GLP1R: variants seen among roughly 807,000 people sequenced by gnomAD.
GLP1R encodes the protein glucagon like peptide 1 receptor, also known as glucagon-like peptide 1 receptor.
Under a neutral mutation model 68.4 loss-of-function variants are expected in GLP1R, and 32 were observed. The ratio of observed to expected loss-of-function variants is 0.47; its 90% CI spans 0.35 to 0.63. GLP1R has a LOEUF of 0.63. Among genes scored for constraint, GLP1R ranks in the 20% least tolerant of loss-of-function variants. The probability of loss-of-function intolerance (pLI) is 0.00; values close to 1 mark genes in which losing one functional copy is unlikely to be tolerated. For missense variants in GLP1R, 502 were observed against 594.9 expected, an observed-to-expected ratio of 0.84 and a Z score of 1.62; for synonymous variants, 263 against 244.4, an observed-to-expected ratio of 1.08 and a Z score of -0.71.
Position 39,048,912 on chromosome 6 carries a change from C to A in GLP1R, c.72C>A (p.Arg24=). The change falls in exon 1 of 13, where the codon CGC becomes CGA. Residue 24 remains arginine (R), a synonymous_variant. Coordinates refer to ENST00000373256, the MANE Select transcript of GLP1R (RefSeq NM_002062.5). ...LLGMVGRAGP[R]PQGATVSLWE... ...GGATGGTGGGCAGGGCCGGCCCCCG[C>A]CCCCAGGTGAGATCCAGGGACCCCG... 7.2e-7 allele frequency: 1 copy of A among 1,385,210 alleles called. No homozygotes were observed. Among genetic ancestry groups the A allele is most frequent in the Non-Finnish European group, 9.5e-7 (1 of 1,057,520 alleles). The allele number at this position is 1,385,210 out of a possible 1,614,324, so 85.8% of individuals were successfully genotyped here. A position where few individuals can be genotyped will look rare whatever the true frequency, so the allele number is the denominator to read the frequency against.
intron 3 of GLP1R, 96 bp from the exon 4 acceptor site, chr6:39,065,615 G>A: frequency 4.3e-6 from 3 of 702,238 alleles, no homozygotes; most frequent in South Asian, 3.5e-5. Context: ...GGGGGAGCAG[G>A]GATAGCCCTC....
At chr6:39,082,857 C>A (rs112859544) in intron 12 of GLP1R, among the ~76,000 whole-genome samples, 2 of 151,962 alleles carry the variant, frequency 1.3e-5, no homozygotes, top group Non-Finnish European at 2.9e-5. Flanking sequence ...GACCCCCCCA[C>A]GTCCCCGTTT....
rs577136887 is a variant in GLP1R, at chr6:39,049,682, C to A, written c.78+764C>A. On this transcript the variant is annotated intron_variant, in intron 1 of 12. Transcript: ENST00000373256. This position sits in a 1 kb window ranked among gnomAD's most constrained non-coding sequence, Gnocchi z 4.5. ...CCCCAAGAGAAGGCATACTGGGACACGCAAGAACACCTGGGCTCCTTGGTG... is the reference window on the plus strand; with the variant it reads ...CCCCAAGAGAAGGCATACTGGGACAAGCAAGAACACCTGGGCTCCTTGGTG... Among the ~76,000 whole-genome samples, 1 of 152,172 alleles carries A rather than the reference C, an allele frequency of 6.6e-6. No individual in the cohort carries two copies. Among genetic ancestry groups the A allele is most frequent in the Non-Finnish European group, 1.5e-5 (1 of 68,032 alleles).
At chr6:39,061,728 T>G (rs1042156495) in intron 3 of GLP1R, among the ~76,000 whole-genome samples, 8 of 152,196 alleles carry the variant, frequency 5.3e-5, no homozygotes, top group Non-Finnish European at 7.3e-5. Flanking sequence ...TGGGAAGTCA[T>G]TATGCTTCCC....
chr6:39,086,192 CACACACACACACAT>C lies in GLP1R; in HGVS notation c.*123_*136del, dbSNP rs1554173038. 2.4e-3 allele frequency: 1,676 copies of C among 705,278 alleles called. 3 individuals are homozygous for C. Among genetic ancestry groups the C allele is most frequent in the East Asian group, 0.019 (609 of 32,766 alleles). The allele number at this position is 705,278 out of a possible 1,614,324, so 43.7% of individuals were successfully genotyped here. On this transcript the variant is annotated 3_prime_UTR_variant, in exon 13 of 13. Transcript: ENST00000373256. The surrounding 1 kb of genome is among the most constrained non-coding windows in gnomAD (Gnocchi z 4.5). Reference sequence around the variant, plus strand: ...ACACACACACACACACACACACACACACACACACACACATACATCCTGCTTTCCCTCCCCAAACC... The same window carrying C: ...ACACACACACACACACACACACACACACATCCTGCTTTCCCTCCCCAAACC...
intron 12 of GLP1R, 60 bp from the exon 13 acceptor site, chr6:39,085,846 C>A: frequency 2.0e-6 from 3 of 1,502,506 alleles, no homozygotes; most frequent in Non-Finnish European, 2.8e-6. Context: ...AATAGTGGGG[C>A]CATTTTGTTA....
In GLP1R at chr6:39,079,521, G is replaced by A; in HGVS notation, c.1044-43G>A. 1.3e-6 allele frequency: 2 copies of A among 1,539,684 alleles called. No individual in the cohort carries two copies. Among genetic ancestry groups the A allele is most frequent in the Non-Finnish European group, 1.7e-6 (2 of 1,144,530 alleles). Reference sequence around the variant, plus strand: ...TAGAGAAAGGGAAGAAGAGTCCATGGGAGAGGTCCAGAATGACTCGAGATC... The same window carrying A: ...TAGAGAAAGGGAAGAAGAGTCCATGAGAGAGGTCCAGAATGACTCGAGATC... On this transcript the variant is annotated intron_variant, in intron 10 of 12. Transcript: ENST00000373256. This position sits in a 1 kb window ranked among gnomAD's most constrained non-coding sequence, Gnocchi z 4.5.
At position 39,079,275 on chromosome 6, in the gene GLP1R, G is replaced by T; in HGVS notation, c.1043+75G>T. On this transcript the variant is annotated intron_variant, in intron 10 of 12. Transcript: ENST00000373256. The surrounding 1 kb of genome is among the most constrained non-coding windows in gnomAD (Gnocchi z 4.5). ...TCCTTCTAGCAGAGAGAGAGAGAGA[G>T]ATCCTGGGATGCTTAGCTTAGAGCC... 1 of 1,050,928 alleles carries T rather than the reference G, an allele frequency of 9.5e-7. No individual in the cohort carries two copies. The highest frequency in any genetic ancestry group is 1.5e-6 in the Non-Finnish European group (1 of 680,842). The allele number at this position is 1,050,928 out of a possible 1,614,324, so 65.1% of individuals were successfully genotyped here.
At chr6:39,083,737 G>A (rs546691464) in intron 12 of GLP1R, among the ~76,000 whole-genome samples, 4 of 152,284 alleles carry the variant, frequency 2.6e-5, no homozygotes, top group Admixed American at 2.0e-4. Context: ...GGAGAGGGAG[G>A]TCAGGAGGGG....
At position 39,087,672 on chromosome 6, in the gene GLP1R, CAG is replaced by C. The variant is rs1769183784; in HGVS notation, c.*1604_*1605del. 1 of 152,186 alleles carries C rather than the reference CAG, an allele frequency of 6.6e-6. No individual in the cohort carries two copies. Among genetic ancestry groups the C allele is most frequent in the African/African-American group, 2.4e-5 (1 of 41,444 alleles). The allele number at this position is 152,186 out of a possible 1,614,324, so 9.4% of individuals were successfully genotyped here. On this transcript the variant is annotated 3_prime_UTR_variant, in exon 13 of 13. Transcript: ENST00000373256. ...CCCAGACACATTCTCCTGTGCCCCT[CAG>C]AGAGGCATGTGATGTGCAAGGAAAA...
chr6:39,050,917 T>A (rs1471147048), intron 1 of GLP1R, among the ~76,000 whole-genome samples: 2 of 152,024 alleles, frequency 1.3e-5, no homozygotes, highest in Admixed American at 1.3e-4. Flanking sequence ...CAGACGGGAC[T>A]GAAGGGAGAC....
chr6:39,056,197 A>G (rs145978508), intron 1 of GLP1R, among the ~76,000 whole-genome samples, 200 bp from the exon 2 acceptor site: 3 of 152,312 alleles, frequency 2.0e-5, no homozygotes, highest in African/African-American at 4.8e-5. Flanking sequence ...CCTGGGAGGA[A>G]TGAAGATGTC....
chr6:39,069,637 CAA>C (rs1160778497), intron 5 of GLP1R, among the ~76,000 whole-genome samples: 24 of 98,764 alleles, frequency 2.4e-4, no homozygotes, highest in African/African-American at 3.5e-4. Flanking sequence ...GACTCTGTCT[CAA>C]AAAAAAAAAA....
At chr6:39,063,211 C>T (rs767677993) in intron 3 of GLP1R, among the ~76,000 whole-genome samples, 2 of 152,164 alleles carry the variant, frequency 1.3e-5, no homozygotes, top group African/African-American at 2.4e-5. Context: ...CATCTCATTC[C>T]GCATGGAGTC....
Position 39,080,149 on chromosome 6 carries a change from G to A in GLP1R, c.1182+447G>A, listed in dbSNP as rs183870614. On this transcript the variant is annotated intron_variant, in intron 11 of 12. Transcript: ENST00000373256. ...ATCCTCTCCACTAGCATTAGATGAT[G>A]CTAAGGGGGTGTAAAAATACAAAAA... Among the ~76,000 whole-genome samples, 379 of 149,462 alleles carry A rather than the reference G, an allele frequency of 2.5e-3. 2 individuals are homozygous for A. The highest frequency in any genetic ancestry group is 9.3e-3 in the African/African-American group (374 of 40,390).
intron 1 of GLP1R, 139 bp from the exon 2 acceptor site, chr6:39,056,258 T>C: frequency 1.7e-6 from 1 of 571,572 alleles, no homozygotes; most frequent in Non-Finnish European, 3.1e-6. Flanking sequence ...CTCACTCTCT[T>C]TCAGAGGTGG....
intron 7 of GLP1R, among the ~76,000 whole-genome samples, chr6:39,077,097 C>T (rs1458767844): frequency 6.6e-6 from 1 of 152,210 alleles, no homozygotes; most frequent in Admixed American, 6.5e-5. Flanking sequence ...CCATTGTTAT[C>T]TCACAGTTCC....
chr6:39,084,794 G>A (rs1583654404), intron 12 of GLP1R, among the ~76,000 whole-genome samples: 1 of 152,228 alleles, frequency 6.6e-6, no homozygotes, highest in Non-Finnish European at 1.5e-5. Context: ...GGGATGGCAT[G>A]CAGCCATACC....
intron 7 of GLP1R, chr6:39,074,462 C>G (rs769673595): frequency 6.6e-6 from 1 of 152,086 alleles, no homozygotes; most frequent in Non-Finnish European, 1.5e-5. Context: ...TCCCCTTCAC[C>G]CCTGGGAAAA....
Sources: allele counts gnomAD v4.1 joint callset (sites outside exome capture counted in the v4.1 genomes callset), GRCh38; gene constraint gnomAD v4.1.1; non-coding constraint Gnocchi (gnomAD v3.1); transcripts MANE v1.5; gene names NCBI Gene and HGNC (gene_info 2026-07-23, HGNC 2026-07-21).